The following CAMTA2 variants were observed in gnomAD, a reference collection of about 807,000 sequenced individuals.
CAMTA2 encodes the protein calmodulin-binding transcription activator 2.
In CAMTA2, 56 loss-of-function variants were observed where a neutral mutation model predicts 135.7. That is an observed-to-expected ratio of 0.41 (90% confidence interval 0.33 to 0.52). CAMTA2 has a LOEUF of 0.52. Ranked by LOEUF, CAMTA2 falls within the 20% of genes least tolerant of loss-of-function variation. CAMTA2 has a pLI of 0.16. For synonymous variants in CAMTA2, 591 were observed against 604.6 expected (o/e 0.98, Z 0.33); for missense variants, 1,358 against 1,553.4 (o/e 0.87, Z 2.11).
rs949843068 is a variant in CAMTA2, at chr17:4,983,584, CT to C, written c.136-542del. ...ACAGGCGTGAGCCACCGTGCCCAGACTTTTTTTTTTTTCTTTTGAGGCAGAA... is the reference window on the plus strand; with the variant it reads ...ACAGGCGTGAGCCACCGTGCCCAGACTTTTTTTTTTTCTTTTGAGGCAGAA... On this transcript the variant is annotated intron_variant, in intron 3 of 22. Coordinates refer to ENST00000348066, the MANE Select transcript of CAMTA2 (RefSeq NM_015099.4). 9.1e-4 allele frequency: 131 copies of C among 144,660 alleles called. 1 individual carries two copies. The highest frequency in any genetic ancestry group is 1.2e-3 in the Non-Finnish European group (78 of 65,764). 9.0% of individuals were successfully genotyped at this position (144,660 alleles called of 1,614,324 possible).
In CAMTA2 at chr17:4,987,578, G is replaced by C. The variant is rs944702862; in HGVS notation, c.-65+15C>G. ...CGCGGGGGCGGAGAGGCGGGCGAGA[G>C]GCCCTGGCTCTTACCTCCCGGGGTC... On this transcript the variant is annotated intron_variant, in intron 1 of 22. Coordinates refer to ENST00000348066, the MANE Select transcript of CAMTA2 (RefSeq NM_015099.4). 3 of 1,516,888 alleles carry C rather than the reference G, an allele frequency of 2.0e-6. No individual in the cohort carries two copies. The highest frequency in any genetic ancestry group is 1.2e-5 in the South Asian group (1 of 82,010). 94.0% of individuals were successfully genotyped at this position (1,516,888 alleles called of 1,614,324 possible).
Position 4,972,218 on chromosome 17 carries a change from A to G in CAMTA2, c.2808+14T>C. On this transcript the variant is annotated intron_variant, in intron 16 of 22. Coordinates refer to ENST00000348066, the MANE Select transcript of CAMTA2 (RefSeq NM_015099.4). Reference sequence around the variant, plus strand: ...CACTTCTAGCCCCCATAACTCCATCAATATAAGCAGTACCGGGATCACATC... The same window carrying G: ...CACTTCTAGCCCCCATAACTCCATCGATATAAGCAGTACCGGGATCACATC... The G allele has an allele frequency of 6.9e-6, 11 of 1,604,294 alleles. 1 individual carries two copies. The Middle Eastern group carries it at 1.7e-3, about 243-fold the overall frequency.
intron 6 of CAMTA2, 32 bp downstream of exon 6, chr17:4,982,057 G>A: frequency 1.9e-6 from 3 of 1,546,610 alleles, no homozygotes; most frequent in Non-Finnish European, 2.7e-6. Context: ...GAGTCAGGAA[G>A]AGGGTGGCTC....
Position 4,980,298 on chromosome 17 carries a change from T to G in CAMTA2, c.1024A>C (p.Arg342=), listed in dbSNP as rs779236594. 6.2e-7 allele frequency: 1 copy of G among 1,610,988 alleles called. No individual in the cohort carries two copies. The highest frequency in any genetic ancestry group is 1.7e-5 in the Admixed American group (1 of 59,778). ...GGATCAGCCTGTGGAGCCAAGTGCCTGGTGGGCGTCAAGCCTCCAGCCCGC... is the reference window on the plus strand; with the variant it reads ...GGATCAGCCTGTGGAGCCAAGTGCCGGGTGGGCGTCAAGCCTCCAGCCCGC... ...EQRAGGLTPT[R]HLAPQADPRP... The change falls in exon 9 of 23, where the codon AGG becomes CGG. Residue 342 remains arginine, a synonymous_variant. Transcript: ENST00000348066. The surrounding 1 kb of genome is among the most constrained non-coding windows in gnomAD (Gnocchi z 5.3).
At chr17:4,970,995 A>G (rs1321809810) in intron 16 of CAMTA2, among the ~76,000 whole-genome samples, 2 of 152,230 alleles carry the variant, frequency 1.3e-5, no homozygotes, top group African/African-American at 4.8e-5. Flanking sequence ...CCTATACTCC[A>G]GCACTTCCTG....
At position 4,981,172 on chromosome 17, in the gene CAMTA2, AAGAGCAGTGTG is replaced by A. The variant is rs1972935820; in HGVS notation, c.700+42_700+52del. ...AGATGGATATCCCCCTGGCTTGCGTAAGAGCAGTGTGGCTAGGTGGGAAGACAGCCAAAAGG... is the reference window on the plus strand; with the variant it reads ...AGATGGATATCCCCCTGGCTTGCGTAGCTAGGTGGGAAGACAGCCAAAAGG... On this transcript the variant is annotated intron_variant, in intron 8 of 22. Transcript: ENST00000348066. 1.4e-5 allele frequency: 23 copies of A among 1,597,048 alleles called. No individual in the cohort carries two copies. The South Asian group carries it at 2.5e-4, about 17-fold the overall frequency.
intron 12 of CAMTA2, chr17:4,973,976 A>G (rs1449433193): frequency 6.9e-6 from 4 of 576,004 alleles, no homozygotes; most frequent in Middle Eastern, 4.0e-4. Flanking sequence ...ACCTCACACA[A>G]TCTTGCCCAT....
In CAMTA2 at chr17:4,982,088, C is replaced by A; in HGVS notation, c.411+1G>T. 6.2e-7 allele frequency: 1 copy of A among 1,612,182 alleles called. No individual in the cohort carries two copies. Among genetic ancestry groups the A allele is most frequent in the Non-Finnish European group, 8.5e-7 (1 of 1,178,572 alleles). ...GGCTCCCTGGGCTCTTCCGTCCTTA[C>A]CTGGAGCAGCCAGTAGCAGCGCCGA... On this transcript the variant is annotated splice_donor_variant, in intron 6 of 22. Transcript: ENST00000348066. LOFTEE classifies it high-confidence loss of function.
chr17:4,978,420 G>A, intron 10 of CAMTA2, 84 bp downstream of exon 10: 2 of 1,455,078 alleles, frequency 1.4e-6, no homozygotes, highest in Non-Finnish European at 1.9e-6. Flanking sequence ...TTTGTTCCCA[G>A]TGCTTTCTGG....
At position 4,972,923 on chromosome 17, in the gene CAMTA2, C is replaced by T; in HGVS notation, c.2349G>A (p.Leu783=). ...VLLFRWNRQA[L]SIPDSLGRLP... is the part of the protein sequence containing the mutation. ...GACGGCCCAGAGAGTCGGGAATGCT[C>T]AGTGCCTGTCGGTTCCAACGGAAAA... Residue 783 remains leucine, a synonymous_variant, in exon 15 of 23, where the codon CTG becomes CTA. Coordinates refer to ENST00000348066, the MANE Select transcript of CAMTA2 (RefSeq NM_015099.4). 1 of 1,613,868 alleles carries T rather than the reference C, an allele frequency of 6.2e-7. No individual in the cohort carries two copies. Among genetic ancestry groups the T allele is most frequent in the African/African-American group, 1.3e-5 (1 of 75,050 alleles).
chr17:4,972,830 T>A lies in CAMTA2; in HGVS notation c.2442A>T (p.Arg814Ser). 1 of 1,613,856 alleles carries A rather than the reference T, an allele frequency of 6.2e-7. No individual in the cohort carries two copies. Among genetic ancestry groups the A allele is most frequent in the Non-Finnish European group, 8.5e-7 (1 of 1,180,008 alleles). ...RLARCLEELQ[R>S]QEPSVEPPFA... Reference sequence around the variant, plus strand: ...ATGGGGGCTCCACCGAAGGCTCCTGTCTCTGTAGTTCCTCAAGGCAGCGGG... The same window carrying A: ...ATGGGGGCTCCACCGAAGGCTCCTGACTCTGTAGTTCCTCAAGGCAGCGGG... The change falls in exon 15 of 23, where the codon AGA becomes AGT. Residue 814 changes from arginine to serine, a missense_variant. Coordinates refer to ENST00000348066, the MANE Select transcript of CAMTA2 (RefSeq NM_015099.4).
At chr17:4,976,646 A>C (rs1425957790) in intron 11 of CAMTA2, among the ~76,000 whole-genome samples, 1 of 152,170 alleles carries the variant, frequency 6.6e-6, no homozygotes, top group Non-Finnish European at 1.5e-5. Context: ...GGTTGCAGTG[A>C]CCTGAGATCG....
In CAMTA2 at chr17:4,980,712, C is replaced by T. The variant is rs1972911668; in HGVS notation, c.701-91G>A. ...AGGCCCTTAAAAGTATTTCCTGGGA[C>T]GTCCCTATAAACCAGAGGTGTAATA... is the stretch of plus-strand genomic sequence containing the variant. On this transcript the variant is annotated intron_variant, in intron 8 of 22. Transcript: ENST00000348066. This position sits in a 1 kb window ranked among gnomAD's most constrained non-coding sequence, Gnocchi z 5.3. The T allele has an allele frequency of 3.0e-6, 3 of 998,194 alleles. No homozygotes were observed. The highest frequency in any genetic ancestry group is 4.7e-6 in the Non-Finnish European group (3 of 643,192). 61.8% of individuals were successfully genotyped at this position (998,194 alleles called of 1,614,324 possible). A position where few individuals can be genotyped will look rare whatever the true frequency, so the allele number is the denominator to read the frequency against.
At chr17:4,976,252 C>T (rs372392949) in intron 11 of CAMTA2, among the ~76,000 whole-genome samples, 58 of 152,136 alleles carry the variant, frequency 3.8e-4, no homozygotes, top group African/African-American at 6.5e-4. Flanking sequence ...GTGATCCACC[C>T]GCCTTGGCCT....
intron 1 of CAMTA2, 58 bp from the exon 2 acceptor site, chr17:4,986,344 A>G: frequency 1.4e-6 from 1 of 702,252 alleles, no homozygotes; most frequent in Non-Finnish European, 2.5e-6. Context: ...CAGGATGAGA[A>G]GTATGAGGTA....
At chr17:4,986,526 AG>A in intron 1 of CAMTA2, 1 of 520,782 alleles carries the variant, frequency 1.9e-6, no homozygotes, top group Non-Finnish European at 3.4e-6. Context: ...GGGGTGGGGG[AG>A]CGGGGAGAAG....
chr17:4,986,146 G>T, intron 2 of CAMTA2, 46 bp downstream of exon 2: 1 of 1,215,320 alleles, frequency 8.2e-7, no homozygotes, highest in Non-Finnish European at 1.2e-6. Flanking sequence ...AGCGTGGGGA[G>T]AACGAAAGGC....
Position 4,987,495 on chromosome 17 carries a change from G to A in CAMTA2, c.-65+98C>T, listed in dbSNP as rs1051324100. 3.5e-6 allele frequency: 5 copies of A among 1,423,594 alleles called. No individual in the cohort carries two copies. The African/African-American group carries it at 4.5e-5, about 13-fold the overall frequency. The allele number at this position is 1,423,594 out of a possible 1,614,324, so 88.2% of individuals were successfully genotyped here. A position where few individuals can be genotyped will look rare whatever the true frequency, so the allele number is the denominator to read the frequency against. On this transcript the variant is annotated intron_variant, in intron 1 of 22. Transcript: ENST00000348066. ...GAGGTGAGGGCGAACCGGGAAGAGG[G>A]ACGGTGGTCCCTGGCGCGGCGCTCC...
chr17:4,983,172 C>G, intron 3 of CAMTA2, 129 bp from the exon 4 acceptor site: 2 of 769,650 alleles, frequency 2.6e-6, no homozygotes, highest in Admixed American at 4.0e-5. Flanking sequence ...TTCTAGGTAT[C>G]TGGACCCAGC....
Sources: gnomAD v4.1 joint callset for allele counts (sites outside exome capture counted in the v4.1 genomes callset) on GRCh38, gnomAD v4.1.1 for gene constraint, Gnocchi (gnomAD v3.1) non-coding constraint, MANE v1.5 for transcripts, NCBI Gene and HGNC (gene_info 2026-07-23, HGNC 2026-07-21) for gene names.